PRRC1: variants seen among roughly 807,000 people sequenced by gnomAD.
PRRC1 encodes protein PRRC1.
PRRC1 carries 39 observed loss-of-function variants against 40.7 expected under a neutral mutation model. That is an observed-to-expected ratio of 0.96 (90% confidence interval 0.74 to 1.25). PRRC1 has a LOEUF of 1.25. Ranked by LOEUF, PRRC1 falls within the 50% of genes most tolerant of loss-of-function variation. The pLI is 0.00. For synonymous variants in PRRC1, 175 were observed against 193.3 expected, an observed-to-expected ratio of 0.91 and a Z score of 0.79; for missense variants, 573 against 548.3, an observed-to-expected ratio of 1.05 and a Z score of -0.45.
rs928586447 is a variant in PRRC1 at position 127,543,216 on chromosome 5, C to T, written c.1025+4073C>T. Among the ~76,000 whole-genome samples the T allele has an allele frequency of 3.1e-4, 47 of 152,316 alleles. 1 individual carries two copies. Among genetic ancestry groups the T allele is most frequent in the African/African-American group, 1.1e-3 (46 of 41,568 alleles). ...AATATTGGCCCCCACTCTCTTCTGG[C>T]TTGTAGAGTTTCTGCCGAGAGATCT... On this transcript the variant is annotated intron_variant, in intron 7 of 8. Transcript: ENST00000296666.
chr5:127,544,447 G>A (rs1561687333), intron 7 of PRRC1, among the ~76,000 whole-genome samples: 1 of 152,264 alleles, frequency 6.6e-6, no homozygotes, highest in Non-Finnish European at 1.5e-5. Context: ...AGAGGTTACT[G>A]CTTTGTTTTT....
At chr5:127,528,550 C>G (rs1580933473) in intron 4 of PRRC1, among the ~76,000 whole-genome samples, 1 of 152,176 alleles carries the variant, frequency 6.6e-6, no homozygotes, top group East Asian at 1.9e-4. Context: ...CTCCTGACCT[C>G]AGGCGATCTG....
intron 1 of PRRC1, among the ~76,000 whole-genome samples, chr5:127,522,705 T>A (rs1767491294): frequency 6.6e-6 from 1 of 151,866 alleles, no homozygotes; most frequent in African/African-American, 2.4e-5. Flanking sequence ...TTTTTTTTTA[T>A]GTTAATGGGG....
chr5:127,545,770 A>T (rs1768200456), intron 7 of PRRC1, among the ~76,000 whole-genome samples: 2 of 151,272 alleles, frequency 1.3e-5, no homozygotes, highest in South Asian at 2.1e-4. Context: ...CCTAAAACTT[A>T]AAGTATAATT....
In PRRC1 at chr5:127,524,785, C is replaced by G; in HGVS notation, c.358C>G (p.Leu120Val). 1 of 1,614,206 alleles carries G rather than the reference C, an allele frequency of 6.2e-7. No homozygotes were observed. Among genetic ancestry groups the G allele is most frequent in the South Asian group, 1.1e-5 (1 of 91,084 alleles). Residue 120 changes from leucine (L) to valine (V), a missense_variant, in exon 3 of 9, where the codon CTT becomes GTT. Leu to Val is a conservative substitution (Grantham distance 32). Coordinates refer to ENST00000296666, the MANE Select transcript of PRRC1 (RefSeq NM_130809.5). ...FPPSTSAPNT[L>V]LPAPPSGPPI... is the part of the protein sequence containing the mutation. ...ACCTTCAACTTCTGCCCCAAACACTCTTTTACCTGCACCCCCTTCGGGTCC... is the reference window on the plus strand; with the variant it reads ...ACCTTCAACTTCTGCCCCAAACACTGTTTTACCTGCACCCCCTTCGGGTCC...
chr5:127,533,755 C>A lies in PRRC1; in HGVS notation c.890C>A (p.Pro297Gln), dbSNP rs1190460701. ...VGEAGQSNIA[P>Q]QPVGYAAGLK... ...GAAGCTGGACAGTCCAATATTGCCC[C>A]ACAACCAGTGGGCTATGCAGCTGGA... The change falls in exon 6 of 9, where the codon CCA becomes CAA. Residue 297 changes from proline (P) to glutamine (Q), a missense_variant. Coordinates refer to ENST00000296666, the MANE Select transcript of PRRC1 (RefSeq NM_130809.5). 1 of 1,613,948 alleles carries A rather than the reference C, an allele frequency of 6.2e-7. No homozygotes were observed. Among genetic ancestry groups the A allele is most frequent in the African/African-American group, 1.3e-5 (1 of 74,896 alleles).
intron 3 of PRRC1, 52 bp from the exon 4 acceptor site, chr5:127,526,566 G>A: frequency 1.4e-6 from 2 of 1,450,030 alleles, no homozygotes; most frequent in Non-Finnish European, 1.9e-6. Context: ...CTTTTTATAG[G>A]AAAAAGTTTA....
intron 3 of PRRC1, 87 bp downstream of exon 3, chr5:127,525,007 T>C: frequency 7.8e-7 from 1 of 1,284,210 alleles, no homozygotes; most frequent in African/African-American, 1.5e-5. Context: ...AGATATAATT[T>C]ATGTACTCTA....
At position 127,523,575 on chromosome 5, in the gene PRRC1, T is replaced by A; in HGVS notation, c.96T>A (p.Val32=). 1 of 1,602,036 alleles carries A rather than the reference T, an allele frequency of 6.2e-7. No homozygotes were observed. Among genetic ancestry groups the A allele is most frequent in the Non-Finnish European group, 8.5e-7 (1 of 1,173,166 alleles). ...LAATAMSSTP[V]PLAATSSFSS... is the part of the protein sequence containing the mutation. Reference sequence around the variant, plus strand: ...CTACTGCTATGTCTTCTACCCCTGTTCCATTAGGTACATGTAGTTGTCTAA... The same window carrying A: ...CTACTGCTATGTCTTCTACCCCTGTACCATTAGGTACATGTAGTTGTCTAA... Residue 32 remains valine (V), a synonymous_variant, in exon 2 of 9, where the codon GTT becomes GTA. Transcript: ENST00000296666.
At chr5:127,530,427 A>G (rs754858553) in intron 5 of PRRC1, 31 bp downstream of exon 5, 3 of 1,335,492 alleles carry the variant, frequency 2.2e-6, no homozygotes, top group South Asian at 2.7e-5. Flanking sequence ...GGTATCTGCC[A>G]TTTTTTTTTT....
At position 127,551,809 on chromosome 5, in the gene PRRC1, G is replaced by T; in HGVS notation, c.1231G>T (p.Asp411Tyr). ...EKSLLNVSRT[D>Y]WHMAFTGMSR... ...GAGTTTACTGAATGTCAGCCGGACT[G>T]ATTGGCACATGGCATTTACTGGGAT... The change falls in exon 9 of 9, where the codon GAT becomes TAT. Residue 411 changes from aspartate to tyrosine, a missense_variant. Asp to Tyr is a radical substitution (Grantham distance 160). Transcript: ENST00000296666. 1 of 1,614,148 alleles carries T rather than the reference G, an allele frequency of 6.2e-7. No individual in the cohort carries two copies. The highest frequency in any genetic ancestry group is 8.5e-7 in the Non-Finnish European group (1 of 1,180,002).
Position 127,526,667 on chromosome 5 carries a change from A to G in PRRC1, c.543A>G (p.Ala181=), listed in dbSNP as rs1162002366. 7 of 1,613,450 alleles carry G rather than the reference A, an allele frequency of 4.3e-6. No individual in the cohort carries two copies. In the Admixed American group the frequency reaches 1.0e-4, roughly 23 times the overall value. ...AGCAAGCCAGTTTGACATCTCTGGC[A>G]CAGGGAACTGGAACCACATCAGCCA... The part of the protein sequence containing the change: ...ITQQASLTSL[A]QGTGTTSAIT... Residue 181 remains alanine (A), a synonymous_variant, in exon 4 of 9, where the codon GCA becomes GCG. Coordinates refer to ENST00000296666, the MANE Select transcript of PRRC1 (RefSeq NM_130809.5).
At chr5:127,535,102 T>C (rs918322168) in intron 6 of PRRC1, among the ~76,000 whole-genome samples, 72 of 152,368 alleles carry the variant, frequency 4.7e-4, no homozygotes, top group African/African-American at 1.7e-3. Context: ...GTTAGGATAC[T>C]GTGGGCCTCT....
chr5:127,521,355 A>G (rs1044763493), intron 1 of PRRC1, among the ~76,000 whole-genome samples: 2 of 151,782 alleles, frequency 1.3e-5, no homozygotes, highest in African/African-American at 4.8e-5. Context: ...CCGCCAAACT[A>G]CTCACCCTGC....
At chr5:127,547,996 C>T (rs779140519) in intron 8 of PRRC1, 75 bp downstream of exon 8, 48 of 1,011,840 alleles carry the variant, frequency 4.7e-5, no homozygotes, top group Admixed American at 1.5e-4. Flanking sequence ...AAAATTTGTT[C>T]GGTTTTTTTG....
rs1410334762 is a variant in PRRC1, at chr5:127,553,579, A to T, written c.*1663A>T. The T allele has an allele frequency of 7.8e-7, 1 of 1,287,118 alleles. No homozygotes were observed. Among genetic ancestry groups the T allele is most frequent in the Admixed American group, 3.6e-5 (1 of 27,764 alleles). The allele number at this position is 1,287,118 out of a possible 1,614,324, so 79.7% of individuals were successfully genotyped here. A position where few individuals can be genotyped will look rare whatever the true frequency, so the allele number is the denominator to read the frequency against. ...TTTTCTAGTAGTATTTTATCATGGCAATGGCATGATGACAACAACAGTCTT... is the reference window on the plus strand; with the variant it reads ...TTTTCTAGTAGTATTTTATCATGGCTATGGCATGATGACAACAACAGTCTT... On this transcript the variant is annotated 3_prime_UTR_variant, in exon 9 of 9. Transcript: ENST00000296666.
chr5:127,544,450 T>G (rs1009296463), intron 7 of PRRC1, among the ~76,000 whole-genome samples: 5 of 152,198 alleles, frequency 3.3e-5, no homozygotes, highest in African/African-American at 4.8e-5. Context: ...GGTTACTGCT[T>G]TGTTTTTGTT....
rs1768479752 is a variant in PRRC1 at position 127,554,617 on chromosome 5, T to C, written c.*2701T>C. The stretch of plus-strand genomic sequence containing the variant: ...ACTGTGTCACAGACTTCTGAATGTT[T>C]AGGCAGTGCTAGTAATTTCCTCGTA... On this transcript the variant is annotated 3_prime_UTR_variant, in exon 9 of 9. Coordinates refer to ENST00000296666, the MANE Select transcript of PRRC1 (RefSeq NM_130809.5). 1 of 152,412 alleles carries C rather than the reference T, an allele frequency of 6.6e-6. No homozygotes were observed. The allele number at this position is 152,412 out of a possible 1,614,324, so 9.4% of individuals were successfully genotyped here.
At chr5:127,525,348 GTACT>G (rs920480534) in intron 3 of PRRC1, among the ~76,000 whole-genome samples, 2 of 152,168 alleles carry the variant, frequency 1.3e-5, no homozygotes, top group African/African-American at 4.8e-5. Context: ...GCATTTGTCA[GTACT>G]TCATTCCTTT....
Sources: allele counts gnomAD v4.1 joint callset (sites outside exome capture counted in the v4.1 genomes callset), GRCh38; gene constraint gnomAD v4.1.1; transcripts MANE v1.5; gene names NCBI Gene and HGNC (gene_info 2026-07-23, HGNC 2026-07-21).